Variants in GRB10 observed in about 807,000 individuals in gnomAD.
The protein encoded by GRB10 is growth factor receptor-bound protein 10.
GRB10 carries 20 observed loss-of-function variants against 80.9 expected under a neutral mutation model. That is an observed-to-expected ratio of 0.25 (90% CI 0.17 to 0.36). The LOEUF (loss-of-function observed/expected upper bound fraction) is 0.36. Ranked by LOEUF, GRB10 falls within the 10% of genes least tolerant of loss-of-function variation. GRB10 has a pLI of 1.00. For missense variants in GRB10, 548 were observed against 747.7 expected (o/e 0.73, Z 3.12); for synonymous variants, 291 against 291.5 (o/e 1.00, Z 0.02).
chr7:50,772,359 C>G (rs2876846), intron 2 of GRB10, among the ~76,000 whole-genome samples: 94,197 of 152,090 alleles, frequency 0.62, 31,995 homozygotes, highest in Middle Eastern at 0.87. Context: ...ACCACATTCT[C>G]GATGCAAGAG....
rs1395916934 is a variant in GRB10, at chr7:50,669,629, C to T, written c.504+93G>A. The T allele has an allele frequency of 4.8e-6, 6 of 1,258,564 alleles. No homozygotes were observed. In the Admixed American group the frequency reaches 1.0e-4, roughly 22 times the overall value. The allele number at this position is 1,258,564 out of a possible 1,614,324, so 78.0% of individuals were successfully genotyped here. Reference sequence around the variant, plus strand: ...GAGAGAAGATCCCAGGACTTCCCGCCCTTCTTCCCAAAGTAATAATCTGGC... The same window carrying T: ...GAGAGAAGATCCCAGGACTTCCCGCTCTTCTTCCCAAAGTAATAATCTGGC... On this transcript the variant is annotated intron_variant, in intron 7 of 18. Coordinates refer to ENST00000401949, the MANE Select transcript of GRB10 (RefSeq NM_001350814.2).
At chr7:50,755,855 C>G in intron 3 of GRB10, 32 bp downstream of exon 3, 1 of 398,736 alleles carries the variant, frequency 2.5e-6, no homozygotes. Flanking sequence ...CAAAGAAAGG[C>G]ACTAGTGACT....
chr7:50,593,512 T>C (rs2046091778), intron 18 of GRB10, among the ~76,000 whole-genome samples: 1 of 152,126 alleles, frequency 6.6e-6, no homozygotes, highest in South Asian at 2.1e-4. Flanking sequence ...AGCCAACTCC[T>C]GAGGCCCCAG....
At chr7:50,635,152 T>G (rs972326678) in intron 7 of GRB10, among the ~76,000 whole-genome samples, 19 of 152,228 alleles carry the variant, frequency 1.2e-4, no homozygotes, top group Admixed American at 1.2e-3. Context: ...TTCAATAAAT[T>G]TTTTAAAAAA....
At chr7:50,717,108 G>T (rs2066990164) in intron 4 of GRB10, among the ~76,000 whole-genome samples, 1 of 152,232 alleles carries the variant, frequency 6.6e-6, no homozygotes, top group African/African-American at 2.4e-5. Flanking sequence ...GGAAAACTGA[G>T]TGAGATGAGG....
At chr7:50,617,387 TTTA>T (rs1466357808) in intron 10 of GRB10, among the ~76,000 whole-genome samples, 3 of 152,128 alleles carry the variant, frequency 2.0e-5, no homozygotes, top group Non-Finnish European at 4.4e-5. Context: ...TAGGAAATGG[TTTA>T]TTCTCTCACT....
At chr7:50,595,298 A>C (rs2046433458) in intron 18 of GRB10, 139 bp downstream of exon 18, 1 of 691,282 alleles carries the variant, frequency 1.4e-6, no homozygotes, top group Non-Finnish European at 2.6e-6. Flanking sequence ...CCTGTAAAGA[A>C]ATTCTTGAAA....
At chr7:50,757,206 A>G (rs1314443432) in intron 2 of GRB10, among the ~76,000 whole-genome samples, 7 of 152,224 alleles carry the variant, frequency 4.6e-5, no homozygotes, top group Non-Finnish European at 7.3e-5. Flanking sequence ...TTAGCGGCTG[A>G]TGTCTGGGCA....
At chr7:50,734,015 T>A (rs1178698020) in intron 3 of GRB10, among the ~76,000 whole-genome samples, 1 of 152,122 alleles carries the variant, frequency 6.6e-6, no homozygotes, top group Non-Finnish European at 1.5e-5. Flanking sequence ...GCAAGTTCCT[T>A]AAAATAAATC....
At chr7:50,708,512 C>T (rs1282569813) in intron 4 of GRB10, among the ~76,000 whole-genome samples, 6 of 152,090 alleles carry the variant, frequency 3.9e-5, no homozygotes, top group Non-Finnish European at 8.8e-5. Flanking sequence ...GGCGCTCTGC[C>T]AGGTGCAGGG....
At position 50,782,113 on chromosome 7, in the gene GRB10, G is replaced by A. The variant is rs547263354; in HGVS notation, c.-327+311C>T. On this transcript the variant is annotated intron_variant, in intron 1 of 18. Transcript: ENST00000401949. The surrounding 1 kb of genome is among the most constrained non-coding windows in gnomAD (Gnocchi z 6.6). ...AGGAAGGAGCGGGCGAGGTTCGCTC[G>A]AATCGTCGTCACGGGTTTCCGTGGG... Among the ~76,000 whole-genome samples the A allele has an allele frequency of 2.4e-4, 36 of 152,330 alleles. No homozygotes were observed. In the South Asian group the frequency reaches 4.1e-3, roughly 18 times the overall value.
At chr7:50,763,067 G>A (rs1406540564) in intron 2 of GRB10, among the ~76,000 whole-genome samples, 3 of 150,924 alleles carry the variant, frequency 2.0e-5, no homozygotes, top group Non-Finnish European at 4.4e-5. Context: ...GCAGCGAGCC[G>A]AGATCGTGCC....
At chr7:50,631,227 C>T (rs2053940913) in intron 7 of GRB10, among the ~76,000 whole-genome samples, 1 of 152,228 alleles carries the variant, frequency 6.6e-6, no homozygotes, top group Non-Finnish European at 1.5e-5. Context: ...GACCTCCTGA[C>T]TGGCTGTGAG....
intron 3 of GRB10, among the ~76,000 whole-genome samples, chr7:50,742,284 C>CACAT (rs1272635957): frequency 2.2e-4 from 6 of 26,754 alleles, no homozygotes; most frequent in African/African-American, 4.0e-4. Flanking sequence ...CACACACACA[C>CACAT]ACACACACAC....
chr7:50,746,041 T>C (rs2072831957), intron 3 of GRB10, among the ~76,000 whole-genome samples: 1 of 152,220 alleles, frequency 6.6e-6, no homozygotes, highest in African/African-American at 2.4e-5. Context: ...GACGCTGTCC[T>C]GGGTGCCACT....
intron 4 of GRB10, among the ~76,000 whole-genome samples, chr7:50,705,501 AAACGGAACCTCTCTTTTTATCAGAAT>A (rs1441108492): frequency 6.6e-6 from 1 of 152,234 alleles, no homozygotes; most frequent in Non-Finnish European, 1.5e-5. Context: ...CAAAAAATTA[AAACGGAACCTCTCTTTTTATCAGAAT>A]AACAAAAACA....
chr7:50,618,013 C>G, intron 10 of GRB10, 58 bp downstream of exon 10: 3 of 1,340,196 alleles, frequency 2.2e-6, no homozygotes, highest in Non-Finnish European at 3.2e-6. Flanking sequence ...CCATTCAGTT[C>G]CAAGAGGATT....
At position 50,593,598 on chromosome 7, in the gene GRB10, G is replaced by A. The variant is rs142363660; in HGVS notation, c.1639-500C>T. Among the ~76,000 whole-genome samples, 388 of 152,312 alleles carry A rather than the reference G, an allele frequency of 2.5e-3. 1 individual carries two copies. Among genetic ancestry groups the A allele is most frequent in the African/African-American group, 8.4e-3 (349 of 41,570 alleles). On this transcript the variant is annotated intron_variant, in intron 18 of 18. Coordinates refer to ENST00000401949, the MANE Select transcript of GRB10 (RefSeq NM_001350814.2). ...TAATAAGCTCACGCAGGTAAATTCC[G>A]TTCCTAGGTCCCTGAATATGGGGCA...
intron 3 of GRB10, among the ~76,000 whole-genome samples, chr7:50,741,537 T>A (rs2071733383): frequency 2.3e-5 from 3 of 127,754 alleles, no homozygotes; most frequent in African/African-American, 3.1e-5. Context: ...AACCAGAAAT[T>A]AGGAACATGT....
Sources: allele counts gnomAD v4.1 joint callset (sites outside exome capture counted in the v4.1 genomes callset), GRCh38; gene constraint gnomAD v4.1.1; non-coding constraint Gnocchi (gnomAD v3.1); transcripts MANE v1.5; gene names NCBI Gene and HGNC (gene_info 2026-07-23, HGNC 2026-07-21).